The following ASAP1 variants were observed in gnomAD, a reference collection of about 807,000 sequenced individuals.
The protein encoded by ASAP1 is arf-GAP with SH3 domain, ANK repeat and PH domain-containing protein 1.
ASAP1 carries 43 observed loss-of-function variants against 145.2 expected under a neutral mutation model. The observed-to-expected ratio is 0.30, with a 90% CI of 0.23 to 0.38. ASAP1 has a LOEUF of 0.38. Among genes scored for constraint, ASAP1 ranks in the 10% least tolerant of loss-of-function variants. The pLI, the probability that ASAP1 is intolerant of heterozygous loss-of-function variation, is 1.00. For missense variants in ASAP1, 1,018 were observed against 1,355.3 expected (o/e 0.75, Z 3.91); for synonymous variants, 546 against 515.5 (o/e 1.06, Z -0.80).
chr8:130,287,944 A>G (rs183565109), intron 3 of ASAP1, among the ~76,000 whole-genome samples: 1 of 152,034 alleles, frequency 6.6e-6, no homozygotes, highest in Non-Finnish European at 1.5e-5. Flanking sequence ...ACCCCAGCCT[A>G]TCTCTTCCCC....
chr8:130,201,324 G>A (rs4733775), intron 5 of ASAP1, among the ~76,000 whole-genome samples: 48,478 of 152,058 alleles, frequency 0.32, 8,927 homozygotes, highest in East Asian at 0.59. Context: ...AAAAATGCAA[G>A]ACAAATTACA....
intron 3 of ASAP1, among the ~76,000 whole-genome samples, chr8:130,249,720 A>G (rs2136837204): frequency 6.6e-6 from 1 of 152,220 alleles, no homozygotes; most frequent in Non-Finnish European, 1.5e-5. Flanking sequence ...ACACATATGT[A>G]TGTGTTTATT....
At chr8:130,250,230 T>C (rs1819108223) in intron 3 of ASAP1, among the ~76,000 whole-genome samples, 1 of 152,076 alleles carries the variant, frequency 6.6e-6, no homozygotes, top group Non-Finnish European at 1.5e-5. Context: ...AAAGACTTCA[T>C]CAATCTAAGA....
intron 5 of ASAP1, among the ~76,000 whole-genome samples, chr8:130,203,828 A>T (rs189096641): frequency 1.1e-4 from 17 of 152,360 alleles, no homozygotes; most frequent in Admixed American, 5.2e-4. Flanking sequence ...TCTGGGACAA[A>T]GATCATGCAG....
chr8:130,231,116 C>T (rs1817886994), intron 4 of ASAP1, among the ~76,000 whole-genome samples: 2 of 152,156 alleles, frequency 1.3e-5, no homozygotes, highest in African/African-American at 4.8e-5. Flanking sequence ...GCACTATGAG[C>T]TTTTTCTTAA....
intron 8 of ASAP1, among the ~76,000 whole-genome samples, chr8:130,180,104 A>G (rs906274621): frequency 6.6e-6 from 1 of 151,352 alleles, no homozygotes; most frequent in Admixed American, 6.6e-5. Context: ...GAAGGAGGGA[A>G]TAGAGAGAGA....
chr8:130,233,104 A>G (rs80074414), intron 4 of ASAP1, among the ~76,000 whole-genome samples: 2,728 of 152,274 alleles, frequency 0.018, 72 homozygotes, highest in Admixed American at 0.063. Context: ...TCAGGCCTCA[A>G]TAGTCTGTGA....
At chr8:130,116,799 G>A (rs2097556917) in intron 21 of ASAP1, 54 bp from the exon 22 acceptor site, 2 of 1,591,060 alleles carry the variant, frequency 1.3e-6, no homozygotes, top group South Asian at 2.2e-5. Flanking sequence ...ACCTTAAGAA[G>A]GCAAGGAACA....
At chr8:130,403,604 G>A (rs111250035) in intron 1 of ASAP1, among the ~76,000 whole-genome samples, 7,475 of 147,850 alleles carry the variant, frequency 0.051, 331 homozygotes, top group African/African-American at 0.13. Flanking sequence ...CCAGACTGGA[G>A]TGCAGTGGCG....
intron 3 of ASAP1, among the ~76,000 whole-genome samples, chr8:130,276,246 C>G (rs1409581588): frequency 6.6e-6 from 1 of 152,160 alleles, no homozygotes; most frequent in Non-Finnish European, 1.5e-5. Context: ...GGCACTGGGC[C>G]GCTCCAGCTG....
At chr8:130,266,484 A>AAAAC (rs974402746) in intron 3 of ASAP1, among the ~76,000 whole-genome samples, 1 of 152,222 alleles carries the variant, frequency 6.6e-6, no homozygotes, top group African/African-American at 2.4e-5. Flanking sequence ...TTAAATAAGC[A>AAAAC]GTTTGGAGCT....
chr8:130,220,709 G>C (rs1817240021), intron 4 of ASAP1, among the ~76,000 whole-genome samples: 1 of 152,134 alleles, frequency 6.6e-6, no homozygotes, highest in Non-Finnish European at 1.5e-5. Flanking sequence ...AGACATACCT[G>C]AGGCTGGGTA....
intron 24 of ASAP1, among the ~76,000 whole-genome samples, chr8:130,096,834 A>C (rs72722323): frequency 0.053 from 8,128 of 152,084 alleles, 282 homozygotes; most frequent in Middle Eastern, 0.078. Context: ...TGATCAGAAA[A>C]AGTCCTTGAG....
At chr8:130,129,440 A>T (rs1367134346) in intron 15 of ASAP1, among the ~76,000 whole-genome samples, 1 of 152,246 alleles carries the variant, frequency 6.6e-6, no homozygotes, top group African/African-American at 2.4e-5. Context: ...ATTTTTCAAA[A>T]CTATAATGAA....
chr8:130,093,359 T>A (rs1031889655), intron 24 of ASAP1, among the ~76,000 whole-genome samples: 1 of 152,116 alleles, frequency 6.6e-6, no homozygotes, highest in Admixed American at 6.5e-5. Flanking sequence ...AAACTGCTTC[T>A]GTAAACGTTA....
In ASAP1 at chr8:130,116,737, C is replaced by A. The variant is rs2097556761; in HGVS notation, c.2005G>T (p.Ala669Ser). The A allele has an allele frequency of 1.2e-6, 2 of 1,613,880 alleles. No individual in the cohort carries two copies. The highest frequency in any genetic ancestry group is 1.1e-5 in the South Asian group (1 of 91,066). The stretch of plus-strand genomic sequence containing the variant: ...GCTATGTCTAGGGCAGTTTCTCCAG[C>A]CTGGTTAACTGAAATAGGAAAAAAA... The part of the protein sequence containing the change: ...SKPTVDIVNQ[A>S]GETALDIAKR... The change falls in exon 22 of 30, where the codon GCT (alanine) becomes TCT (serine). Residue 669 changes from alanine (A) to serine (S), a missense_variant. Transcript: ENST00000518721.
chr8:130,441,915 G>A (rs1011594928), intron 1 of ASAP1, among the ~76,000 whole-genome samples: 3 of 152,180 alleles, frequency 2.0e-5, no homozygotes, highest in Admixed American at 2.0e-4. Context: ...GAACATCAGA[G>A]GGTACATTAT....
chr8:130,092,914 C>T (rs1418749008), intron 24 of ASAP1, among the ~76,000 whole-genome samples: 1 of 144,858 alleles, frequency 6.9e-6, no homozygotes, highest in East Asian at 2.0e-4. Flanking sequence ...TTCTTCTAGT[C>T]AGCAAACTGC....
intron 3 of ASAP1, among the ~76,000 whole-genome samples, chr8:130,300,153 C>CACACACACACAGAGAGAGAG (rs1196584279): frequency 1.3e-5 from 1 of 76,892 alleles, no homozygotes; most frequent in Non-Finnish European, 2.5e-5. Context: ...CACACACACA[C>CACACACACACAGAGAGAGAG]AGAGAGAGAG....
Sources: gnomAD v4.1 joint callset for allele counts (sites outside exome capture counted in the v4.1 genomes callset) on GRCh38, gnomAD v4.1.1 for gene constraint, MANE v1.5 for transcripts, NCBI Gene and HGNC (gene_info 2026-07-23, HGNC 2026-07-21) for gene names.